STYK1: variants seen among roughly 807,000 people sequenced by gnomAD.
STYK1 encodes the protein tyrosine-protein kinase STYK1.
In STYK1, 46 loss-of-function variants were observed where a neutral mutation model predicts 48.1. That is an observed-to-expected ratio of 0.96 (90% CI 0.75 to 1.22). STYK1 has a LOEUF of 1.22. Among genes scored for constraint, STYK1 ranks in the 50% most tolerant of loss-of-function variants. STYK1 has a pLI of 0.00. For synonymous variants in STYK1, 188 were observed against 189.0 expected, an observed-to-expected ratio of 0.99 and a Z score of 0.04; for missense variants, 527 against 521.1, an observed-to-expected ratio of 1.01 and a Z score of -0.11.
chr12:10,629,444 T>G (rs930679146), intron 6 of STYK1, 49 bp downstream of exon 6: 2 of 1,589,940 alleles, frequency 1.3e-6, no homozygotes, highest in Admixed American at 1.7e-5. Flanking sequence ...AAAAAGCTAG[T>G]CAACAAGGTC....
At chr12:10,653,628 C>G (rs2120752848) in intron 1 of STYK1, among the ~76,000 whole-genome samples, 2 of 152,274 alleles carry the variant, frequency 1.3e-5, no homozygotes, top group African/African-American at 4.8e-5. Flanking sequence ...CTTCCAGTCC[C>G]TTTAGTACAA....
chr12:10,644,229 G>A, intron 1 of STYK1, among the ~76,000 whole-genome samples: 1 of 152,186 alleles, frequency 6.6e-6, no homozygotes, highest in East Asian at 1.9e-4. Flanking sequence ...TTTCTTTATG[G>A]TGACAGACAA....
chr12:10,631,019 G>C, intron 5 of STYK1, 26 bp downstream of exon 5: 1 of 1,608,770 alleles, frequency 6.2e-7, no homozygotes, highest in Non-Finnish European at 8.5e-7. Context: ...TTAGGGGAAG[G>C]GGGAGTCAAA....
rs1865874462 is a variant in STYK1 at position 10,619,723 on chromosome 12, A to C, written c.*421T>G. On this transcript the variant is annotated 3_prime_UTR_variant, in exon 11 of 11. Transcript: ENST00000075503. ...TAATCCTGAGCAAGAAGAACCTTAA[A>C]TTTTCTTTCCCTTCAACTCTTTTAT... The C allele has an allele frequency of 3.4e-6, 1 of 297,334 alleles. No homozygotes were observed. The highest frequency in any genetic ancestry group is 6.2e-6 in the Non-Finnish European group (1 of 162,214). 18.4% of individuals were successfully genotyped at this position (297,334 alleles called of 1,614,324 possible).
chr12:10,651,736 C>T (rs1225662754), intron 1 of STYK1, among the ~76,000 whole-genome samples: 1 of 152,182 alleles, frequency 6.6e-6, no homozygotes, highest in African/African-American at 2.4e-5. Flanking sequence ...TCTGTATATT[C>T]CACAGGAATA....
intron 4 of STYK1, among the ~76,000 whole-genome samples, chr12:10,633,259 G>GGTA (rs1947449303): frequency 2.6e-5 from 4 of 152,288 alleles, no homozygotes; most frequent in Admixed American, 2.6e-4. Flanking sequence ...TTGGCGAAGT[G>GGTA]GTAGAGATGA....
chr12:10,626,863 C>T (rs1173101643), intron 7 of STYK1, among the ~76,000 whole-genome samples: 5 of 151,962 alleles, frequency 3.3e-5, no homozygotes, highest in Admixed American at 6.6e-5. Flanking sequence ...AAAAATTAGC[C>T]GGGCGTGGTG....
chr12:10,663,726 A>T (rs1445970332), intron 1 of STYK1, among the ~76,000 whole-genome samples: 1 of 139,086 alleles, frequency 7.2e-6, no homozygotes, highest in Admixed American at 8.0e-5. Context: ...TTTTAGAATC[A>T]CTTTGACCAT....
At chr12:10,670,766 T>C (rs1014713344) in intron 1 of STYK1, among the ~76,000 whole-genome samples, 5 of 151,320 alleles carry the variant, frequency 3.3e-5, no homozygotes, top group African/African-American at 4.8e-5. Flanking sequence ...GAAATAATAC[T>C]ATGTTAATTA....
At chr12:10,660,167 T>G (rs1947760783) in intron 1 of STYK1, among the ~76,000 whole-genome samples, 1 of 152,240 alleles carries the variant, frequency 6.6e-6, no homozygotes, top group East Asian at 1.9e-4. Context: ...GCTCTACTCT[T>G]GCAGAATATA....
intron 1 of STYK1, among the ~76,000 whole-genome samples, chr12:10,651,565 A>G (rs1465548574): frequency 2.0e-5 from 3 of 152,214 alleles, no homozygotes; most frequent in Non-Finnish European, 4.4e-5. Context: ...AGCTGTTACT[A>G]ATTATTCCTA....
chr12:10,646,403 G>A (rs993012695), intron 1 of STYK1, among the ~76,000 whole-genome samples: 1 of 152,216 alleles, frequency 6.6e-6, no homozygotes, highest in Non-Finnish European at 1.5e-5. Context: ...ATTTGCCCCT[G>A]CCCTAGAGAT....
In STYK1 at chr12:10,629,631, G is replaced by C; in HGVS notation, c.495C>G (p.Ile165Met). Residue 165 changes from isoleucine (I) to methionine (M), a missense_variant, in exon 6 of 11, where the codon ATC becomes ATG. Transcript: ENST00000075503. The stretch of plus-strand genomic sequence containing the variant: ...GTTTCCCCAGGTATTGATGGAATTG[G>C]ATTCGCCCTAAGAAATCTTGTACCT... ...LHEVQDFLGR[I>M]QFHQYLGKHK... 1.2e-6 allele frequency: 2 copies of C among 1,614,156 alleles called. No individual in the cohort carries two copies. The highest frequency in any genetic ancestry group is 1.7e-6 in the Non-Finnish European group (2 of 1,180,032).
intron 1 of STYK1, among the ~76,000 whole-genome samples, chr12:10,660,148 G>A (rs1947760613): frequency 6.6e-6 from 1 of 152,148 alleles, no homozygotes; most frequent in South Asian, 2.1e-4. Flanking sequence ...GGATAGTTTT[G>A]CTTATTTTGC....
chr12:10,624,989 T>G (rs1762589627), intron 7 of STYK1, 130 bp from the exon 8 acceptor site: 1 of 723,342 alleles, frequency 1.4e-6, no homozygotes, highest in Non-Finnish European at 2.4e-6. Context: ...TCACTAATAA[T>G]GATATGTCAC....
chr12:10,629,760 T>C (rs530626780), intron 5 of STYK1, 86 bp from the exon 6 acceptor site: 117 of 1,513,864 alleles, frequency 7.7e-5, no homozygotes, highest in South Asian at 1.4e-4. Context: ...ACTTAAGATG[T>C]TAATTCTCAA....
intron 1 of STYK1, among the ~76,000 whole-genome samples, chr12:10,653,646 A>G (rs1032779050): frequency 2.6e-5 from 4 of 152,244 alleles, no homozygotes; most frequent in Admixed American, 6.5e-5. Flanking sequence ...CAATCTGTAC[A>G]TCCTGTATGT....
At chr12:10,655,891 T>G (rs2120764222) in intron 1 of STYK1, among the ~76,000 whole-genome samples, 1 of 152,348 alleles carries the variant, frequency 6.6e-6, no homozygotes, top group South Asian at 2.1e-4. Flanking sequence ...TATACGTATA[T>G]TTAAAAGGTT....
Position 10,672,527 on chromosome 12 carries a change from C to T in STYK1, c.-195+1439G>A, listed in dbSNP as rs1256705935. 6.6e-6 allele frequency among the ~76,000 whole-genome samples: 1 copy of T among 152,160 alleles called. No homozygotes were observed. Among genetic ancestry groups the T allele is most frequent in the African/African-American group, 2.4e-5 (1 of 41,414 alleles). ...TGGTGTGATTACAGGTGTGAGCCAC[C>T]GTGCCCACTAGCATTAGATTGTCAT... On this transcript the variant is annotated intron_variant, in intron 1 of 10. Transcript: ENST00000075503. The surrounding 1 kb of genome is among the most constrained non-coding windows in gnomAD (Gnocchi z 4.0).
Sources: allele counts gnomAD v4.1 joint callset (sites outside exome capture counted in the v4.1 genomes callset), GRCh38; gene constraint gnomAD v4.1.1; non-coding constraint Gnocchi (gnomAD v3.1); transcripts MANE v1.5; gene names NCBI Gene and HGNC (gene_info 2026-07-23, HGNC 2026-07-21).